SYT13: variants seen among roughly 807,000 people sequenced by gnomAD.
The protein encoded by SYT13 is synaptotagmin 13, also known as synaptotagmin-13.
A neutral mutation model predicts 38.6 loss-of-function variants in SYT13; 21 were observed. That is an observed-to-expected ratio of 0.54 (90% CI 0.39 to 0.78). SYT13 has a LOEUF of 0.78. SYT13 is among the 30% of genes least tolerant of loss of function. The pLI is 0.00. For synonymous variants in SYT13, 241 were observed against 237.6 expected, an observed-to-expected ratio of 1.01 and a Z score of -0.13; for missense variants, 495 against 548.7, an observed-to-expected ratio of 0.90 and a Z score of 0.98.
intron 1 of SYT13, among the ~76,000 whole-genome samples, chr11:45,275,381 C>A (rs12292826): frequency 6.6e-6 from 1 of 152,186 alleles, no homozygotes; most frequent in African/African-American, 2.4e-5. Context: ...CTCTCCTTTA[C>A]GCTTGTTTTC....
At chr11:45,256,986 T>A (rs1055026109) in intron 1 of SYT13, among the ~76,000 whole-genome samples, 7 of 152,166 alleles carry the variant, frequency 4.6e-5, no homozygotes, top group Admixed American at 6.5e-5. Context: ...GAGCATGCAA[T>A]CAATACCTGT....
intron 1 of SYT13, among the ~76,000 whole-genome samples, chr11:45,276,874 C>T (rs1283548642): frequency 2.0e-5 from 3 of 152,036 alleles, no homozygotes; most frequent in Admixed American, 1.3e-4. Context: ...ATAGAATTAC[C>T]ATATGACCCA....
intron 1 of SYT13, among the ~76,000 whole-genome samples, chr11:45,278,247 A>G (rs1350432018): frequency 6.6e-6 from 1 of 152,222 alleles, no homozygotes; most frequent in Non-Finnish European, 1.5e-5. Flanking sequence ...TTAGCAAGAA[A>G]TAAGCCCTGG....
At chr11:45,285,507 C>T (rs1329027935) in intron 1 of SYT13, among the ~76,000 whole-genome samples, 1 of 152,120 alleles carries the variant, frequency 6.6e-6, no homozygotes, top group Non-Finnish European at 1.5e-5. Context: ...GCGGCCACCT[C>T]CCCTCTGGCT....
chr11:45,270,745 CA>C (rs1189995350), intron 1 of SYT13, among the ~76,000 whole-genome samples: 2 of 152,050 alleles, frequency 1.3e-5, no homozygotes, highest in East Asian at 3.8e-4. Context: ...TGCAGGGAAC[CA>C]CTAATCTAAG....
chr11:45,283,779 G>A (rs1188479889), intron 1 of SYT13, among the ~76,000 whole-genome samples: 1 of 152,212 alleles, frequency 6.6e-6, no homozygotes, highest in Admixed American at 6.5e-5. Flanking sequence ...AGTATTTGAA[G>A]ATGATAATCC....
chr11:45,268,391 TG>T (rs1298902532), intron 1 of SYT13, among the ~76,000 whole-genome samples: 2 of 5,136 alleles, frequency 3.9e-4, no homozygotes, highest in Non-Finnish European at 6.9e-4. Context: ...GGTTGAGTGG[TG>T]GGGGGTGGGG....
intron 1 of SYT13, among the ~76,000 whole-genome samples, chr11:45,264,666 C>A (rs569672319): frequency 3.4e-4 from 52 of 152,304 alleles, no homozygotes; most frequent in Admixed American, 2.7e-3. Flanking sequence ...TCTGACCCCA[C>A]AGAAACTGAG....
In SYT13 at chr11:45,283,600, C is replaced by G. The variant is rs565766217; in HGVS notation, c.183+2425G>C. On this transcript the variant is annotated intron_variant, in intron 1 of 5. Transcript: ENST00000020926. ...AACAGCAACCAAGTCATTGTGAGATCTCAGCTTCAACACATTCACACCCAT... is the reference window on the plus strand; with the variant it reads ...AACAGCAACCAAGTCATTGTGAGATGTCAGCTTCAACACATTCACACCCAT... 1.5e-4 allele frequency among the ~76,000 whole-genome samples: 23 copies of G among 152,334 alleles called. No homozygotes were observed. In the South Asian group the frequency reaches 4.1e-3, roughly 27 times the overall value.
At chr11:45,267,064 T>C (rs1461152294) in intron 1 of SYT13, among the ~76,000 whole-genome samples, 1 of 152,214 alleles carries the variant, frequency 6.6e-6, no homozygotes, top group Non-Finnish European at 1.5e-5. Context: ...TCTTAAATCC[T>C]CATAATAACC....
intron 2 of SYT13, among the ~76,000 whole-genome samples, chr11:45,255,128 C>A (rs879678338): frequency 9.9e-5 from 15 of 151,974 alleles, no homozygotes; most frequent in Non-Finnish European, 1.9e-4. Flanking sequence ...AAAAAATGTG[C>A]CTGGGACCTT....
intron 1 of SYT13, among the ~76,000 whole-genome samples, chr11:45,271,760 C>T (rs1854951988): frequency 1.3e-5 from 2 of 152,138 alleles, no homozygotes; most frequent in Non-Finnish European, 2.9e-5. Flanking sequence ...CACAGAGACA[C>T]AGTGAGGGTA....
intron 1 of SYT13, among the ~76,000 whole-genome samples, chr11:45,268,973 A>G (rs1418047913): frequency 6.6e-6 from 1 of 152,142 alleles, no homozygotes; most frequent in Non-Finnish European, 1.5e-5. Flanking sequence ...GAGGGGGATT[A>G]TTAGAGTAAT....
chr11:45,255,647 G>A lies in SYT13; in HGVS notation c.409+19C>T. ...CTGGAGTGCTGCCCATGGAAGTGCAGGGGGCAGGAGACCCCTACCATTCTG... is the reference window on the plus strand; with the variant it reads ...CTGGAGTGCTGCCCATGGAAGTGCAAGGGGCAGGAGACCCCTACCATTCTG... On this transcript the variant is annotated intron_variant, in intron 2 of 5. Transcript: ENST00000020926. 6.2e-7 allele frequency: 1 copy of A among 1,601,966 alleles called. No homozygotes were observed. The highest frequency in any genetic ancestry group is 8.5e-7 in the Non-Finnish European group (1 of 1,170,244).
chr11:45,284,418 T>C (rs1855110052), intron 1 of SYT13, among the ~76,000 whole-genome samples: 1 of 152,214 alleles, frequency 6.6e-6, no homozygotes, highest in African/African-American at 2.4e-5. Context: ...ATTAGTGTAC[T>C]CTGAACAGTG....
In SYT13 at chr11:45,252,536, C is replaced by T. The variant is rs374500433; in HGVS notation, c.731G>A (p.Arg244Lys). The part of the protein sequence containing the change: ...LPTATLTLTL[R>K]TCDRFSRHSV... Reference sequence around the variant, plus strand: ...GTGACGGGAGAAGCGGTCGCAGGTCCTCAAGGTCAGCGTCAGGGTGGCTGT... The same window carrying T: ...GTGACGGGAGAAGCGGTCGCAGGTCTTCAAGGTCAGCGTCAGGGTGGCTGT... The change falls in exon 4 of 6, where the codon AGG (arginine) becomes AAG (lysine). Residue 244 changes from arginine to lysine, a missense_variant. Arg to Lys is a conservative substitution (Grantham distance 26). Transcript: ENST00000020926. This position sits in a 1 kb window ranked among gnomAD's most constrained non-coding sequence, Gnocchi z 4.3. The T allele has an allele frequency of 1.2e-6, 2 of 1,613,976 alleles. No individual in the cohort carries two copies. Among genetic ancestry groups the T allele is most frequent in the African/African-American group, 2.7e-5 (2 of 74,952 alleles).
intron 1 of SYT13, among the ~76,000 whole-genome samples, chr11:45,279,366 G>C (rs1855045741): frequency 6.6e-6 from 1 of 152,206 alleles, no homozygotes; most frequent in African/African-American, 2.4e-5. Flanking sequence ...AGGATGGCCT[G>C]AGCCCAAGAG....
At chr11:45,267,945 A>C (rs907503978) in intron 1 of SYT13, among the ~76,000 whole-genome samples, 2 of 151,724 alleles carry the variant, frequency 1.3e-5, no homozygotes, top group African/African-American at 4.8e-5. Flanking sequence ...TGTGCCCCCA[A>C]TCCTTTCTCA....
At chr11:45,272,403 C>T (rs983712227) in intron 1 of SYT13, among the ~76,000 whole-genome samples, 4 of 152,152 alleles carry the variant, frequency 2.6e-5, no homozygotes, top group African/African-American at 9.7e-5. Flanking sequence ...TGTCTGCAGT[C>T]TCTGCCATGT....
Sources: gnomAD v4.1 joint callset for allele counts (sites outside exome capture counted in the v4.1 genomes callset) on GRCh38, gnomAD v4.1.1 for gene constraint, Gnocchi (gnomAD v3.1) non-coding constraint, MANE v1.5 for transcripts, NCBI Gene and HGNC (gene_info 2026-07-23, HGNC 2026-07-21) for gene names.